The following CAPS2 variants were observed in gnomAD, a reference collection of about 807,000 sequenced individuals.
CAPS2 encodes the protein calcyphosine 2, also known as calcyphosin-2.
Under a neutral mutation model 86.5 loss-of-function variants are expected in CAPS2, and 98 were observed. That is an observed-to-expected ratio of 1.13 (90% CI 0.96 to 1.34). The LOEUF is 1.34. Among genes scored for constraint, CAPS2 ranks in the 40% most tolerant of loss-of-function variants. CAPS2 has a pLI of 0.00. For missense variants in CAPS2, 729 were observed against 686.8 expected (o/e 1.06, Z -0.69); for synonymous variants, 210 against 225.1 (o/e 0.93, Z 0.60).
chr12:75,282,417 C>A, intron 15 of CAPS2, 70 bp from the exon 16 acceptor site: 3 of 964,580 alleles, frequency 3.1e-6, no homozygotes, highest in Non-Finnish European at 5.1e-6. Flanking sequence ...GACAGAGTCT[C>A]GCTCTGTCAC....
chr12:75,319,288 G>C (rs2040076100), intron 5 of CAPS2, among the ~76,000 whole-genome samples: 1 of 152,098 alleles, frequency 6.6e-6, no homozygotes, highest in Non-Finnish European at 1.5e-5. Flanking sequence ...TGGTGTTTGG[G>C]TCATGGAGGT....
chr12:75,296,482 C>T (rs1318091050), intron 11 of CAPS2, among the ~76,000 whole-genome samples: 1 of 151,992 alleles, frequency 6.6e-6, no homozygotes, highest in African/African-American at 2.4e-5. Flanking sequence ...TTAGTAGAGA[C>T]GGGGTTTCAC....
At chr12:75,309,190 T>G (rs1239874167) in intron 7 of CAPS2, among the ~76,000 whole-genome samples, 1 of 152,086 alleles carries the variant, frequency 6.6e-6, no homozygotes, top group African/African-American at 2.4e-5. Context: ...TTAGGCATCC[T>G]TGGGAAGAGA....
intron 7 of CAPS2, chr12:75,305,600 C>T (rs11610111): frequency 0.35 from 212,549 of 614,482 alleles, 38,927 homozygotes; most frequent in East Asian, 0.45. Flanking sequence ...ACCACTGCCC[C>T]AGGCCCCGAG....
At chr12:75,291,480 CATATATATATATATAT>C (rs556770226) in intron 13 of CAPS2, among the ~76,000 whole-genome samples, 726 of 18,636 alleles carry the variant, frequency 0.039, 17 homozygotes, top group Middle Eastern at 0.067. Context: ...ACAATAAAAG[CATATATATATATATAT>C]ATATATATAT....
chr12:75,382,781 T>A (rs1390297272), intron 1 of CAPS2, among the ~76,000 whole-genome samples: 2 of 152,200 alleles, frequency 1.3e-5, no homozygotes, highest in Admixed American at 1.3e-4. Flanking sequence ...CTCTTGTTTT[T>A]AAAATTAAAG....
chr12:75,359,357 CTTTTTTTTTTT>C (rs61616225), intron 1 of CAPS2, among the ~76,000 whole-genome samples: 2 of 28,600 alleles, frequency 7.0e-5, no homozygotes, highest in East Asian at 8.3e-4. Context: ...GCATTGTTGT[CTTTTTTTTTTT>C]TTTTTTTTTT....
intron 1 of CAPS2, among the ~76,000 whole-genome samples, chr12:75,351,815 G>A (rs191890029): frequency 6.6e-6 from 1 of 152,244 alleles, no homozygotes; most frequent in African/African-American, 2.4e-5. Flanking sequence ...CCAAAGTGCT[G>A]GGATTACAGG....
At chr12:75,296,647 T>C (rs1374254655) in intron 11 of CAPS2, among the ~76,000 whole-genome samples, 1 of 152,154 alleles carries the variant, frequency 6.6e-6, no homozygotes, top group Non-Finnish European at 1.5e-5. Flanking sequence ...TCATGTATTA[T>C]CTTAAAAACT....
At chr12:75,316,433 C>G in exon 6 of CAPS2, 1 of 1,538,700 alleles carries the variant, frequency 6.5e-7, no homozygotes, top group South Asian at 1.2e-5. Flanking sequence ...ATCTTGCACA[C>G]ACTATGCATG....
At chr12:75,329,795 T>G (rs146780128), upstream of CAPS2, 439 of 1,506,850 alleles carry the variant, frequency 2.9e-4, 2 homozygotes, top group Non-Finnish European at 3.7e-4. Flanking sequence ...ACCCCATCAC[T>G]CCCCCTGCTC....
intron 1 of CAPS2, chr12:75,360,795 C>A (rs1195545715): frequency 6.6e-6 from 1 of 152,162 alleles, no homozygotes; most frequent in East Asian, 1.9e-4. Context: ...TTCCACACTG[C>A]CCTAGTAGAG....
At chr12:75,387,460 A>C (rs2045349707) in intron 1 of CAPS2, among the ~76,000 whole-genome samples, 1 of 152,222 alleles carries the variant, frequency 6.6e-6, no homozygotes. Context: ...GCTGGTGGGA[A>C]TGCAAAATGG....
chr12:75,370,339 G>C, intron 1 of CAPS2: 1 of 512,768 alleles, frequency 2.0e-6, no homozygotes, highest in Admixed American at 3.3e-5. Context: ...ACTGTAGTAT[G>C]GAAAATGGAT....
chr12:75,365,215 G>GT (rs2043885369), intron 1 of CAPS2: 1 of 152,164 alleles, frequency 6.6e-6, no homozygotes, highest in Non-Finnish European at 1.5e-5. Context: ...ACATCTGTAG[G>GT]TTTTGTCAAA....
intron 1 of CAPS2, among the ~76,000 whole-genome samples, chr12:75,380,014 G>A (rs1004601653): frequency 6.6e-6 from 1 of 151,744 alleles, no homozygotes; most frequent in Non-Finnish European, 1.5e-5. Flanking sequence ...GGTACTATAT[G>A]TACATTTAAC....
At chr12:75,289,884 T>G in intron 13 of CAPS2, 109 bp from the exon 14 acceptor site, 1 of 770,662 alleles carries the variant, frequency 1.3e-6, no homozygotes, top group South Asian at 1.8e-5. Flanking sequence ...AAATAAGGAA[T>G]GTGAATATTC....
Position 75,291,825 on chromosome 12 carries a change from A to C in CAPS2, c.1164-5T>G. ...TCCTGTTCCATAGAAGCAGTTCTGC[A>C]ATTGACATGTTCACAGGGATGAAAT... On this transcript the variant is annotated splice_region_variant and splice_polypyrimidine_tract_variant and intron_variant, in intron 12 of 16. Transcript: ENST00000393284. 6.7e-7 allele frequency: 1 copy of C among 1,489,678 alleles called. No homozygotes were observed. Among genetic ancestry groups the C allele is most frequent in the Non-Finnish European group, 9.2e-7 (1 of 1,086,880 alleles). The allele number at this position is 1,489,678 out of a possible 1,614,324, so 92.3% of individuals were successfully genotyped here.
At chr12:75,330,987 G>T (rs184305123), upstream of CAPS2, among the ~76,000 whole-genome samples, 29 of 152,226 alleles carry the variant, frequency 1.9e-4, no homozygotes, top group East Asian at 5.2e-3. Flanking sequence ...GTTTCACCAT[G>T]TTGGGCAGGC....
Sources: gnomAD v4.1 joint callset for allele counts (sites outside exome capture counted in the v4.1 genomes callset) on GRCh38, gnomAD v4.1.1 for gene constraint, MANE v1.5 for transcripts, NCBI Gene and HGNC (gene_info 2026-07-23, HGNC 2026-07-21) for gene names.